The following RAP1GAP variants were observed in gnomAD, a reference collection of about 807,000 sequenced individuals.
RAP1GAP encodes the protein rap1 GTPase-activating protein 1.
Under a neutral mutation model 87.2 loss-of-function variants are expected in RAP1GAP, and 35 were observed. The observed-to-expected ratio is 0.40, with a 90% CI of 0.31 to 0.53. The LOEUF (loss-of-function observed/expected upper bound fraction) is 0.53. RAP1GAP is among the 20% of genes least tolerant of loss of function. The pLI, the probability that RAP1GAP is intolerant of heterozygous loss-of-function variation, is 0.48. For missense variants in RAP1GAP, 734 were observed against 898.9 expected, an observed-to-expected ratio of 0.82 and a Z score of 2.35; for synonymous variants, 375 against 363.9, an observed-to-expected ratio of 1.03 and a Z score of -0.35.
At chr1:21,601,892 C>T in intron 19 of RAP1GAP, 95 bp from the exon 20 acceptor site, 1 of 826,600 alleles carries the variant, frequency 1.2e-6, no homozygotes, top group Non-Finnish European at 1.9e-6. Context: ...CACGGTGCCT[C>T]CTGCCTCATA....
At chr1:21,626,738 C>T (rs976165209) in intron 2 of RAP1GAP, among the ~76,000 whole-genome samples, 12 of 152,132 alleles carry the variant, frequency 7.9e-5, no homozygotes, top group African/African-American at 2.4e-4. Context: ...AGGGTGCCCC[C>T]GCCTCTACAA....
intron 1 of RAP1GAP, among the ~76,000 whole-genome samples, chr1:21,656,929 C>A (rs1168553310): frequency 3.3e-5 from 5 of 152,214 alleles, no homozygotes; most frequent in Non-Finnish European, 7.3e-5. Context: ...CATTCCTTCC[C>A]CCATTCATTC....
Position 21,622,675 on chromosome 1 carries a change from C to A in RAP1GAP, c.-18-2625G>T, listed in dbSNP as rs1012208553. ...CCCCGGGCGGCCCGGCCCGCGGCCCCGGGACACCGCGCCTGCGCGTTCCGG... is the reference window on the plus strand; with the variant it reads ...CCCCGGGCGGCCCGGCCCGCGGCCCAGGGACACCGCGCCTGCGCGTTCCGG... On this transcript the variant is annotated intron_variant, in intron 3 of 24. Transcript: ENST00000374765. The surrounding 1 kb of genome is among the most constrained non-coding windows in gnomAD (Gnocchi z 5.7). The A allele has an allele frequency of 6.7e-6, 1 of 150,066 alleles. No individual in the cohort carries two copies. The highest frequency in any genetic ancestry group is 1.5e-5 in the Non-Finnish European group (1 of 67,340). The allele number at this position is 150,066 out of a possible 1,614,324, so 9.3% of individuals were successfully genotyped here.
At chr1:21,605,695 A>G (rs1423707786) in intron 18 of RAP1GAP, among the ~76,000 whole-genome samples, 1 of 152,242 alleles carries the variant, frequency 6.6e-6, no homozygotes, top group Non-Finnish European at 1.5e-5. Context: ...CCAAGGCTTG[A>G]CAGTAGGTGC....
rs533131310 is a variant in RAP1GAP at position 21,639,321 on chromosome 1, G to A, written c.-113+10440C>T. 3.3e-5 allele frequency among the ~76,000 whole-genome samples: 5 copies of A among 152,344 alleles called. No individual in the cohort carries two copies. The South Asian group carries it at 1.0e-3, about 32-fold the overall frequency. ...AATAACTTTCTGTGTTGATCAACCT[G>A]TTTGTGGATGGATTTGGCATTGAAG... On this transcript the variant is annotated intron_variant, in intron 2 of 24. Transcript: ENST00000374765.
intron 2 of RAP1GAP, among the ~76,000 whole-genome samples, chr1:21,637,629 A>G (rs980467204): frequency 2.6e-5 from 4 of 152,194 alleles, no homozygotes; most frequent in Non-Finnish European, 5.9e-5. Flanking sequence ...GTCATGAAGC[A>G]GGGTTTGCAA....
rs763429449 is a variant in RAP1GAP, at chr1:21,610,137, C to T, written c.982G>A (p.Asp328Asn). Reference protein sequence around the residue: ...VVVQAEGGGPDGPLYKVSVTA... With the variant: ...VVVQAEGGGPNGPLYKVSVTA... ...GCGCCCACCTTGTAGAGGGGGCCATCAGGGCCCCCGCCCTCAGCCTGCACC... is the reference window on the plus strand; with the variant it reads ...GCGCCCACCTTGTAGAGGGGGCCATTAGGGCCCCCGCCCTCAGCCTGCACC... The change falls in exon 14 of 25, where the codon GAT becomes AAT. Residue 328 changes from aspartate to asparagine, a missense_variant. Transcript: ENST00000374765. 2.5e-6 allele frequency: 4 copies of T among 1,613,852 alleles called. No homozygotes were observed. The East Asian group carries it at 8.9e-5, about 36-fold the overall frequency.
chr1:21,669,229 C>T lies in RAP1GAP; in HGVS notation c.-149+25G>A. On this transcript the variant is annotated intron_variant, in intron 1 of 24. Transcript: ENST00000374765. The surrounding 1 kb of genome is among the most constrained non-coding windows in gnomAD (Gnocchi z 5.6). Reference sequence around the variant, plus strand: ...TCTGTCCCCTTCCCCTTTCCAGGGCCGCAGCCCTGGCGGGGCGCACTCACC... The same window carrying T: ...TCTGTCCCCTTCCCCTTTCCAGGGCTGCAGCCCTGGCGGGGCGCACTCACC... 1 of 1,252,158 alleles carries T rather than the reference C, an allele frequency of 8.0e-7. No homozygotes were observed. Among genetic ancestry groups the T allele is most frequent in the South Asian group, 1.3e-5 (1 of 78,210 alleles). The allele number at this position is 1,252,158 out of a possible 1,614,324, so 77.6% of individuals were successfully genotyped here.
Position 21,613,925 on chromosome 1 carries a change from G to T in RAP1GAP, c.395+61C>A. The T allele has an allele frequency of 7.3e-7, 1 of 1,374,738 alleles. No individual in the cohort carries two copies. The highest frequency in any genetic ancestry group is 1.0e-6 in the Non-Finnish European group (1 of 985,754). 85.2% of individuals were successfully genotyped at this position (1,374,738 alleles called of 1,614,324 possible). ...GAAGAGAGTGGGTCAAATGAGATGG[G>T]CTCTGAGATTGTAAGACCTCAGCCC... On this transcript the variant is annotated intron_variant, in intron 8 of 24. Coordinates refer to ENST00000374765, the MANE Select transcript of RAP1GAP (RefSeq NM_002885.4). The surrounding 1 kb of genome is among the most constrained non-coding windows in gnomAD (Gnocchi z 4.7).
Position 21,610,135 on chromosome 1 carries a change from A to G in RAP1GAP, c.984T>C (p.Asp328=), listed in dbSNP as rs544743861. 2.2e-5 allele frequency: 35 copies of G among 1,613,994 alleles called. No homozygotes were observed. Among genetic ancestry groups the G allele is most frequent in the Non-Finnish European group, 2.8e-5 (33 of 1,179,976 alleles). ...VVVQAEGGGP[D]GPLYKVSVTA... is the part of the protein sequence containing the mutation. ...GAGCGCCCACCTTGTAGAGGGGGCC[A>G]TCAGGGCCCCCGCCCTCAGCCTGCA... The change falls in exon 14 of 25, where the codon GAT becomes GAC. Residue 328 remains aspartate, a synonymous_variant. Coordinates refer to ENST00000374765, the MANE Select transcript of RAP1GAP (RefSeq NM_002885.4).
intron 5 of RAP1GAP, among the ~76,000 whole-genome samples, chr1:21,618,613 A>C (rs2084017030): frequency 6.6e-6 from 1 of 152,138 alleles, no homozygotes; most frequent in Non-Finnish European, 1.5e-5. Flanking sequence ...GCAGGAGCTC[A>C]TAAGTCTCCT....
chr1:21,611,078 A>T (rs1294107121), intron 13 of RAP1GAP, among the ~76,000 whole-genome samples: 1 of 152,102 alleles, frequency 6.6e-6, no homozygotes, highest in African/African-American at 2.4e-5. Flanking sequence ...ACTAAAAGTC[A>T]CTTTCTCTTG....
chr1:21,630,040 T>C (rs1489757975), intron 2 of RAP1GAP, among the ~76,000 whole-genome samples: 2 of 152,218 alleles, frequency 1.3e-5, no homozygotes, highest in Non-Finnish European at 2.9e-5. Context: ...CAGAGCTTAC[T>C]ATGTGCAGGC....
At position 21,622,284 on chromosome 1, in the gene RAP1GAP, C is replaced by G; in HGVS notation, c.-18-2234G>C. On this transcript the variant is annotated intron_variant, in intron 3 of 24. Coordinates refer to ENST00000374765, the MANE Select transcript of RAP1GAP (RefSeq NM_002885.4). The surrounding 1 kb of genome is among the most constrained non-coding windows in gnomAD (Gnocchi z 5.7). Reference sequence around the variant, plus strand: ...AGAGCCGGCCGGGCTCCCCAGCAGTCGGGGTGACCCAGCCCCGGGGTCCCT... The same window carrying G: ...AGAGCCGGCCGGGCTCCCCAGCAGTGGGGGTGACCCAGCCCCGGGGTCCCT... 1 of 481,360 alleles carries G rather than the reference C, an allele frequency of 2.1e-6. No individual in the cohort carries two copies. The highest frequency in any genetic ancestry group is 3.7e-6 in the Non-Finnish European group (1 of 270,758). The allele number at this position is 481,360 out of a possible 1,614,324, so 29.8% of individuals were successfully genotyped here.
chr1:21,633,926 C>T (rs2094254458), intron 2 of RAP1GAP, among the ~76,000 whole-genome samples: 2 of 152,056 alleles, frequency 1.3e-5, no homozygotes, highest in Admixed American at 6.5e-5. Context: ...GAGGGCAACC[C>T]TGAGAGAGGC....
At chr1:21,653,899 G>T (rs2096751943) in intron 1 of RAP1GAP, among the ~76,000 whole-genome samples, 1 of 152,178 alleles carries the variant, frequency 6.6e-6, no homozygotes, top group South Asian at 2.1e-4. Context: ...TGGCAGAGTA[G>T]CCAAGGGGCC....
intron 1 of RAP1GAP, among the ~76,000 whole-genome samples, chr1:21,662,826 A>T (rs2152371752): frequency 6.6e-6 from 1 of 152,342 alleles, no homozygotes; most frequent in South Asian, 2.1e-4. Context: ...GACCTGGGGC[A>T]GGCTATTTAA....
At chr1:21,644,745 C>CA (rs1242980748) in intron 2 of RAP1GAP, among the ~76,000 whole-genome samples, 1 of 151,566 alleles carries the variant, frequency 6.6e-6, no homozygotes, top group South Asian at 2.1e-4. Flanking sequence ...TAAAAATACA[C>CA]AAAAAAATTA....
In RAP1GAP at chr1:21,613,184, A is replaced by G; in HGVS notation, c.520T>C (p.Tyr174His). The change falls in exon 10 of 25, where the codon TAC (tyrosine) becomes CAC (histidine). Residue 174 changes from tyrosine (Y) to histidine (H), a missense_variant. Coordinates refer to ENST00000374765, the MANE Select transcript of RAP1GAP (RefSeq NM_002885.4). This position sits in a 1 kb window ranked among gnomAD's most constrained non-coding sequence, Gnocchi z 4.7. ...CCCAGATCCAGCCATACCTTGGGGT[A>G]GAGCACAGGATAGAACCGATCCACA... ...VNVDRFYPVL[Y>H]PKASRLIVTF... The G allele has an allele frequency of 6.4e-7, 1 of 1,553,082 alleles. No homozygotes were observed. Among genetic ancestry groups the G allele is most frequent in the South Asian group, 1.1e-5 (1 of 89,818 alleles).
Sources: allele counts gnomAD v4.1 joint callset (sites outside exome capture counted in the v4.1 genomes callset), GRCh38; gene constraint gnomAD v4.1.1; non-coding constraint Gnocchi (gnomAD v3.1); transcripts MANE v1.5; gene names NCBI Gene and HGNC (gene_info 2026-07-23, HGNC 2026-07-21).